The following ZNF117 variants were observed in gnomAD, a reference collection of about 807,000 sequenced individuals.
The protein encoded by ZNF117 is Krueppel-related zinc finger protein.
A neutral mutation model predicts 41.2 loss-of-function variants in ZNF117; 37 were observed. That is an observed-to-expected ratio of 0.90 (90% CI 0.69 to 1.18). The LOEUF is 1.18. Ranked by LOEUF, ZNF117 falls within the 50% of genes most tolerant of loss-of-function variation. The pLI is 0.00. For synonymous variants in ZNF117, 186 were observed against 186.6 expected (o/e 1.00, Z 0.02); for missense variants, 546 against 557.5 (o/e 0.98, Z 0.21).
chr7:64,986,176 G>GT (rs1238009732), upstream of ZNF117, among the ~76,000 whole-genome samples: 5 of 151,904 alleles, frequency 3.3e-5, no homozygotes, highest in Non-Finnish European at 7.4e-5. Context: ...ATCCATGGGT[G>GT]TATCAATCAA....
rs997778437 is a variant in ZNF117, at chr7:64,978,721, T to C, written c.850A>G (p.Lys284Glu). Reference sequence around the variant, plus strand: ...AGGGTTGAGGACTGGTTAAAGGCTTTACCACATTCTTCACATTTGTACAGC... The same window carrying C: ...AGGGTTGAGGACTGGTTAAAGGCTTCACCACATTCTTCACATTTGTACAGC... The change falls in exon 3 of 3, where the codon AAA becomes GAA. Residue 284 changes from lysine to glutamate, a missense_variant. By Grantham distance (56) the Lys-to-Glu change is moderately conservative. Transcript: ENST00000620222. The C allele has an allele frequency of 6.2e-7, 1 of 1,613,108 alleles. No individual in the cohort carries two copies. Among genetic ancestry groups the C allele is most frequent in the African/African-American group, 1.3e-5 (1 of 74,998 alleles).
chr7:64,990,397 A>C (rs1786237332), exon 1 of ZNF117: 5 of 184,920 alleles, frequency 2.7e-5, no homozygotes, highest in Admixed American at 2.2e-4. Context: ...CCACTGGCCC[A>C]GCGGATTAAC....
chr7:64,982,720 G>A (rs1249805687), upstream of ZNF117, among the ~76,000 whole-genome samples: 1 of 152,158 alleles, frequency 6.6e-6, no homozygotes, highest in African/African-American at 2.4e-5. Flanking sequence ...TCCTAAGGCA[G>A]ATATACGCAC....
In ZNF117 at chr7:64,989,757, C is replaced by G. The variant is rs992515977; in HGVS notation, c.-196+190G>C. Among the ~76,000 whole-genome samples, 19 of 112,430 alleles carry G rather than the reference C, an allele frequency of 1.7e-4. No individual in the cohort carries two copies. The Admixed American group carries it at 2.2e-3, about 13-fold the overall frequency. The allele number at this position is 112,430 out of a possible 152,430, so 73.8% of individuals were successfully genotyped here. On this transcript the variant is annotated intron_variant, in intron 1 of 3. Transcript: ENST00000282869. ...ATCTAGCATCCATAAGAAACTTAAA[C>G]AAATTTATTTTAAAAAAAAAGAAGA...
chr7:64,975,534 G>A (rs1384495860), exon 3 of ZNF117: 1 of 151,886 alleles, frequency 6.6e-6, no homozygotes, highest in Non-Finnish European at 1.5e-5. Flanking sequence ...AAAAAAGAAT[G>A]TCTCATATCT....
At chr7:64,989,098 A>C (rs1429833275) in intron 1 of ZNF117, among the ~76,000 whole-genome samples, 1 of 151,614 alleles carries the variant, frequency 6.6e-6, no homozygotes, top group African/African-American at 2.4e-5. Context: ...CAACTATTTT[A>C]AAATTCATAT....
exon 1 of ZNF117, chr7:64,990,576 A>G (rs1344964395): frequency 6.6e-6 from 1 of 152,392 alleles, no homozygotes; most frequent in African/African-American, 2.4e-5. Context: ...AGGATTTGCA[A>G]CATGAGCCTA....
upstream of ZNF117, among the ~76,000 whole-genome samples, chr7:64,982,727 G>A (rs868271580): frequency 6.6e-6 from 1 of 152,080 alleles, no homozygotes; most frequent in Non-Finnish European, 1.5e-5. Context: ...GCAGATATAC[G>A]CACAGAAAAC....
At chr7:64,983,313 T>A (rs1363029159), upstream of ZNF117, among the ~76,000 whole-genome samples, 1 of 152,296 alleles carries the variant, frequency 6.6e-6, no homozygotes, top group East Asian at 1.9e-4. Flanking sequence ...AGAGGGAACA[T>A]TTTTCATGTT....
Position 64,981,137 on chromosome 7 carries a change from T to C in ZNF117, c.34+250A>G. 6.4e-6 allele frequency: 3 copies of C among 470,954 alleles called. No homozygotes were observed. In the South Asian group the frequency reaches 8.2e-5, roughly 13 times the overall value. The allele number at this position is 470,954 out of a possible 1,614,324, so 29.2% of individuals were successfully genotyped here. A position where few individuals can be genotyped will look rare whatever the true frequency, so the allele number is the denominator to read the frequency against. On this transcript the variant is annotated intron_variant, in intron 2 of 2. Transcript: ENST00000620222. ...ACCAGTCAGATTGTGCAGTCTTTTA[T>C]ATCCCATGAAGAGGATGTTGGCTTT...
intron 1 of ZNF117, among the ~76,000 whole-genome samples, chr7:64,988,294 G>C (rs1182572237): frequency 7.2e-5 from 11 of 152,076 alleles, no homozygotes; most frequent in Non-Finnish European, 1.6e-4. Context: ...TATGAGGCTG[G>C]TTCAACATAC....
chr7:64,981,356 C>T, intron 2 of ZNF117, 31 bp downstream of exon 3: 1 of 1,612,132 alleles, frequency 6.2e-7, no homozygotes, highest in Non-Finnish European at 8.5e-7. Flanking sequence ...GACCTCTTCT[C>T]TGTGCCATCT....
intron 1 of ZNF117, among the ~76,000 whole-genome samples, chr7:64,989,480 T>A (rs1431368400): frequency 7.0e-5 from 5 of 71,774 alleles, no homozygotes; most frequent in Non-Finnish European, 1.0e-4. Context: ...TATATATATA[T>A]ATATATATAT....
At chr7:64,984,439 T>C (rs182060666), upstream of ZNF117, among the ~76,000 whole-genome samples, 1 of 152,218 alleles carries the variant, frequency 6.6e-6, no homozygotes, top group African/African-American at 2.4e-5. Context: ...TTTATTCATA[T>C]AGTGGAATAC....
intron 1 of ZNF117, among the ~76,000 whole-genome samples, chr7:64,988,075 G>GA (rs1786173834): frequency 6.6e-6 from 1 of 151,734 alleles, no homozygotes. Context: ...AAAAAATTGA[G>GA]AAAAAAACAC....
upstream of ZNF117, among the ~76,000 whole-genome samples, chr7:64,984,042 T>G (rs1375747992): frequency 6.6e-6 from 1 of 152,242 alleles, no homozygotes; most frequent in East Asian, 1.9e-4. Flanking sequence ...CAGCAGAATT[T>G]TATAAGGATT....
chr7:64,989,983 A>C lies in ZNF117; in HGVS notation c.-232T>G, dbSNP rs1786228603. The C allele has an allele frequency of 6.6e-6, 1 of 152,122 alleles. No individual in the cohort carries two copies. The highest frequency in any genetic ancestry group is 2.4e-5 in the African/African-American group (1 of 41,406). The allele number at this position is 152,122 out of a possible 1,614,324, so 9.4% of individuals were successfully genotyped here. A position where few individuals can be genotyped will look rare whatever the true frequency, so the allele number is the denominator to read the frequency against. ...GCTACTCAGGAGACTGAAGCAGAAGAATCATCTGAACCTGGGAGGTGGAGG... is the reference window on the plus strand; with the variant it reads ...GCTACTCAGGAGACTGAAGCAGAAGCATCATCTGAACCTGGGAGGTGGAGG... On this transcript the variant is annotated 5_prime_UTR_variant, in exon 1 of 4. The change creates a new upstream start codon in the 5' untranslated region. Transcript: ENST00000282869.
chr7:64,978,528 A>G (rs1185178788), exon 3 of ZNF117: 5 of 1,613,102 alleles, frequency 3.1e-6, no homozygotes, highest in Non-Finnish European at 3.4e-6. Flanking sequence ...ATGTCTAGTA[A>G]GGTTTGAGAG....
At chr7:64,989,072 T>C (rs1042711075) in intron 1 of ZNF117, among the ~76,000 whole-genome samples, 5 of 151,846 alleles carry the variant, frequency 3.3e-5, no homozygotes, top group Admixed American at 6.6e-5. Context: ...AAAAACATTC[T>C]TAACAGAACT....
Sources: allele counts gnomAD v4.1 joint callset (sites outside exome capture counted in the v4.1 genomes callset), GRCh38; gene constraint gnomAD v4.1.1; transcripts MANE v1.5; gene names NCBI Gene and HGNC (gene_info 2026-07-23, HGNC 2026-07-21).